The following DTNA variants were observed in gnomAD, a reference collection of about 807,000 sequenced individuals.
DTNA encodes dystrophin-related protein 3.
In DTNA, 43 loss-of-function variants were observed where a neutral mutation model predicts 100.7. The ratio of observed to expected loss-of-function variants is 0.43; its 90% CI spans 0.33 to 0.55. The LOEUF (loss-of-function observed/expected upper bound fraction) is 0.55, where lower values mean the gene tolerates loss of function less well. DTNA is among the 20% of genes least tolerant of loss of function. DTNA has a pLI of 0.04. For synonymous variants in DTNA, 349 were observed against 347.9 expected (o/e 1.00, Z -0.04); for missense variants, 798 against 953.9 (o/e 0.84, Z 2.15).
intron 1 of DTNA, among the ~76,000 whole-genome samples, chr18:34,580,396 G>T (rs747966713): frequency 2.6e-5 from 4 of 151,986 alleles, no homozygotes; most frequent in Non-Finnish European, 5.9e-5. Flanking sequence ...GTATGTCAGT[G>T]GGTAAAAGCA....
chr18:34,860,220 G>GTATTTTTTTTTTTTTTTTTTTTTTTT (rs749839630), intron 16 of DTNA, among the ~76,000 whole-genome samples: 1 of 80,254 alleles, frequency 1.2e-5, no homozygotes. Context: ...CTAATTTTTT[G>GTATTTTTTTTTTTTTTTTTTTTTTTT]TTTTTTTTTT....
chr18:34,816,135 G>C, intron 7 of DTNA, 121 bp downstream of exon 7: 1 of 995,064 alleles, frequency 1.0e-6, no homozygotes, highest in Non-Finnish European at 1.6e-6. Context: ...TCTTAGTTTT[G>C]TTTAGGGTAG....
intron 1 of DTNA, among the ~76,000 whole-genome samples, chr18:34,609,900 CAATT>C (rs1232368816): frequency 6.6e-6 from 1 of 152,014 alleles, no homozygotes; most frequent in Non-Finnish European, 1.5e-5. Flanking sequence ...ATTAACAAAC[CAATT>C]AATTAGCTGA....
chr18:34,830,677 G>A (rs1241168582), intron 11 of DTNA, among the ~76,000 whole-genome samples: 1 of 152,186 alleles, frequency 6.6e-6, no homozygotes, highest in Non-Finnish European at 1.5e-5. Flanking sequence ...TTACATGTGT[G>A]TATGTCTATG....
intron 9 of DTNA, among the ~76,000 whole-genome samples, chr18:34,826,284 G>A (rs1211985089): frequency 6.6e-6 from 1 of 152,046 alleles, no homozygotes; most frequent in Admixed American, 6.5e-5. Flanking sequence ...TGGTTCATGA[G>A]TAAGTTCTTT....
chr18:34,776,818 T>C (rs2094078905), intron 3 of DTNA, among the ~76,000 whole-genome samples: 1 of 152,222 alleles, frequency 6.6e-6, no homozygotes, highest in South Asian at 2.1e-4. Context: ...TTTTTTGTTC[T>C]GCCCTCATCT....
In DTNA at chr18:34,888,771, G is replaced by C. The variant is rs372818476; in HGVS notation, c.*1037G>C. The C allele has an allele frequency of 3.0e-6, 3 of 985,788 alleles. No individual in the cohort carries two copies. In the African/African-American group the frequency reaches 5.2e-5, roughly 17 times the overall value. 61.1% of individuals were successfully genotyped at this position (985,788 alleles called of 1,614,324 possible). A position where few individuals can be genotyped will look rare whatever the true frequency, so the allele number is the denominator to read the frequency against. On this transcript the variant is annotated 3_prime_UTR_variant, in exon 23 of 23. Transcript: ENST00000444659. ...TAGGAAGCATGTCTTTAACAGCACCGCTCGTTCACAAGTTCCCCCATCAAG... is the reference window on the plus strand; with the variant it reads ...TAGGAAGCATGTCTTTAACAGCACCCCTCGTTCACAAGTTCCCCCATCAAG...
chr18:34,825,328 A>T (rs2095835126), intron 9 of DTNA: 3 of 1,609,406 alleles, frequency 1.9e-6, no homozygotes, highest in Admixed American at 3.3e-5. Context: ...AATCATGATC[A>T]TAAGTGGGGA....
intron 1 of DTNA, among the ~76,000 whole-genome samples, chr18:34,540,731 T>A (rs2044167943): frequency 6.6e-6 from 1 of 152,104 alleles, no homozygotes. Flanking sequence ...CTAGATTATT[T>A]AGGCAAAACA....
chr18:34,844,599 C>T (rs1404113627), intron 13 of DTNA, among the ~76,000 whole-genome samples: 1 of 148,822 alleles, frequency 6.7e-6, no homozygotes, highest in Non-Finnish European at 1.5e-5. Context: ...ACTCGATGGC[C>T]TTCTAAATTA....
intron 1 of DTNA, among the ~76,000 whole-genome samples, chr18:34,657,439 C>T (rs971389890): frequency 1.6e-4 from 25 of 152,052 alleles, no homozygotes; most frequent in African/African-American, 6.0e-4. Flanking sequence ...ATTGTCCAAA[C>T]TGAAAGAGTT....
chr18:34,588,151 C>CTA (rs2049327918), intron 1 of DTNA, among the ~76,000 whole-genome samples: 1 of 152,150 alleles, frequency 6.6e-6, no homozygotes, highest in South Asian at 2.1e-4. Flanking sequence ...CCAAATATAT[C>CTA]TATAGACTTA....
intron 1 of DTNA, among the ~76,000 whole-genome samples, chr18:34,732,144 T>G (rs1002487465): frequency 1.3e-5 from 2 of 152,244 alleles, no homozygotes; most frequent in African/African-American, 4.8e-5. Context: ...CATTACATTT[T>G]CAGACTAGTC....
At chr18:34,551,120 A>G (rs538997020) in intron 1 of DTNA, among the ~76,000 whole-genome samples, 5 of 152,314 alleles carry the variant, frequency 3.3e-5, no homozygotes, top group African/African-American at 1.2e-4. Context: ...ACTGGCCTCC[A>G]TTCATGCTCT....
Position 34,890,794 on chromosome 18 carries a change from A to G in DTNA, c.*3060A>G, listed in dbSNP as rs1034869157. 7.4e-6 allele frequency: 2 copies of G among 268,932 alleles called. No individual in the cohort carries two copies. The highest frequency in any genetic ancestry group is 1.4e-5 in the Non-Finnish European group (2 of 139,580). The allele number at this position is 268,932 out of a possible 1,614,324, so 16.7% of individuals were successfully genotyped here. ...GGTTCATTTGTAAGTAGTAATGTGA[A>G]CTGAATTGCATTAAGAGTGTGTGGC... On this transcript the variant is annotated 3_prime_UTR_variant, in exon 23 of 23. Coordinates refer to ENST00000444659, the MANE Select transcript of DTNA (RefSeq NM_001386795.1).
At chr18:34,817,920 A>C in intron 7 of DTNA, 44 of 1,339,078 alleles carry the variant, frequency 3.3e-5, no homozygotes, top group Non-Finnish European at 4.0e-5. Flanking sequence ...ATGGCATTAC[A>C]GAGATTTTTG....
chr18:34,618,187 C>T lies in DTNA; in HGVS notation c.-2+124673C>T, dbSNP rs541396297. On this transcript the variant is annotated intron_variant, in intron 1 of 19. Transcript: ENST00000283365. ...ACAAGGGTCAAGAGTCGAACTCAATCCAGTTCTGTTGTGTTAGATCTTTTT... is the reference window on the plus strand; with the variant it reads ...ACAAGGGTCAAGAGTCGAACTCAATTCAGTTCTGTTGTGTTAGATCTTTTT... Among the ~76,000 whole-genome samples, 18 of 152,174 alleles carry T rather than the reference C, an allele frequency of 1.2e-4. No homozygotes were observed. In the South Asian group the frequency reaches 2.9e-3, roughly 25 times the overall value.
intron 13 of DTNA, among the ~76,000 whole-genome samples, chr18:34,847,071 T>TACA (rs2096392889): frequency 6.6e-6 from 1 of 152,202 alleles, no homozygotes; most frequent in African/African-American, 2.4e-5. Context: ...TAAGCCAAAC[T>TACA]ACAACCAACT....
chr18:34,838,227 A>G, intron 12 of DTNA, 56 bp downstream of exon 12: 1 of 1,580,892 alleles, frequency 6.3e-7, no homozygotes, highest in Non-Finnish European at 8.7e-7. Flanking sequence ...AAAAATGGAG[A>G]TTTCTTTTGT....
Sources: gnomAD v4.1 joint callset for allele counts (sites outside exome capture counted in the v4.1 genomes callset) on GRCh38, gnomAD v4.1.1 for gene constraint, MANE v1.5 for transcripts, NCBI Gene and HGNC (gene_info 2026-07-23, HGNC 2026-07-21) for gene names.